TNRC18: variants seen among roughly 807,000 people sequenced by gnomAD.
The protein encoded by TNRC18 is trinucleotide repeat-containing gene 18 protein.
Under a neutral mutation model 226.7 loss-of-function variants are expected in TNRC18, and 69 were observed. The ratio of observed to expected loss-of-function variants is 0.30; its 90% confidence interval spans 0.25 to 0.37. The LOEUF is 0.37. TNRC18 is among the 10% of genes least tolerant of loss of function. TNRC18 has a pLI of 1.00. For missense variants in TNRC18, 4,754 were observed against 4,256.6 expected (o/e 1.12, Z -3.25); for synonymous variants, 2,449 against 1,927.6 (o/e 1.27, Z -7.09).
At chr7:5,395,003 G>A (rs1780571111) in intron 2 of TNRC18, among the ~76,000 whole-genome samples, 1 of 152,194 alleles carries the variant, frequency 6.6e-6, no homozygotes, top group African/African-American at 2.4e-5. Context: ...GCAAGGCGGT[G>A]GGGGACTTAC....
At chr7:5,417,758 C>A (rs1411858482) in intron 2 of TNRC18, among the ~76,000 whole-genome samples, 1 of 152,330 alleles carries the variant, frequency 6.6e-6, no homozygotes, top group East Asian at 1.9e-4. Flanking sequence ...CCAGAACCCT[C>A]CCAGGGCCTC....
chr7:5,413,615 G>C (rs1781979590), intron 2 of TNRC18, among the ~76,000 whole-genome samples: 1 of 152,178 alleles, frequency 6.6e-6, no homozygotes, highest in Non-Finnish European at 1.5e-5. Context: ...CTGCAGCCTG[G>C]ATCTCTGGGG....
At position 5,394,563 on chromosome 7, in the gene TNRC18, C is replaced by T. The variant is rs1244048041; in HGVS notation, c.220G>A (p.Gly74Arg). ...TGGGACGAGGCCGAGGGCCCCATCC[C>T]GCTGGCCACAAAGCTGCCCAAGAAG... ...EAFLGSFVAS[G>R]MGPSASSHGS... The change falls in exon 3 of 30, where the codon GGG becomes AGG. Residue 74 changes from glycine (G) to arginine (R), a missense_variant. Physicochemically the swap from Gly to Arg is moderately radical, Grantham distance 125. Transcript: ENST00000430969. This position sits in a 1 kb window ranked among gnomAD's most constrained non-coding sequence, Gnocchi z 4.5. 9.7e-6 allele frequency: 15 copies of T among 1,550,196 alleles called. No homozygotes were observed. Among genetic ancestry groups the T allele is most frequent in the East Asian group, 4.9e-5 (2 of 40,648 alleles).
chr7:5,332,344 G>A lies in TNRC18; in HGVS notation c.6147+278C>T, dbSNP rs1238458105. 3.3e-5 allele frequency among the ~76,000 whole-genome samples: 5 copies of A among 152,118 alleles called. No homozygotes were observed. In the East Asian group the frequency reaches 7.7e-4, roughly 23 times the overall value. On this transcript the variant is annotated intron_variant, in intron 19 of 29. Transcript: ENST00000430969. Reference sequence around the variant, plus strand: ...GCTATTTGGGAGGCTGAGGCAGGAGGACTGCTAGAGGCCAGGAGGTAAAGG... The same window carrying A: ...GCTATTTGGGAGGCTGAGGCAGGAGAACTGCTAGAGGCCAGGAGGTAAAGG...
At position 5,394,527 on chromosome 7, in the gene TNRC18, C is replaced by T. The variant is rs1266592289; in HGVS notation, c.256G>A (p.Val86Met). 1 of 1,555,196 alleles carries T rather than the reference C, an allele frequency of 6.4e-7. No homozygotes were observed. The highest frequency in any genetic ancestry group is 8.7e-7 in the Non-Finnish European group (1 of 1,151,668). Reference sequence around the variant, plus strand: ...AAAGACAGGTCAGAGGGCAGTGGCACTGGGCTCCCATGGGACGAGGCCGAG... The same window carrying T: ...AAAGACAGGTCAGAGGGCAGTGGCATTGGGCTCCCATGGGACGAGGCCGAG... ...GPSASSHGSP[V>M]PLPSDLSFRS... The change falls in exon 3 of 30, where the codon GTG (valine) becomes ATG (methionine). Residue 86 changes from valine to methionine, a missense_variant. Val to Met is a conservative substitution (Grantham distance 21). Transcript: ENST00000430969. The surrounding 1 kb of genome is among the most constrained non-coding windows in gnomAD (Gnocchi z 4.5).
chr7:5,388,888 G>T lies in TNRC18; in HGVS notation c.936C>A (p.Asp312Glu). The stretch of plus-strand genomic sequence containing the variant: ...TGCGCCGCAGCAGCCGCGCGCCCTC[G>T]TCCTGCCGGGCAGCCTCCTTGGCAC... The part of the protein sequence containing the change: ...RGGAKEAARQ[D>E]EGARLLRRTE... Residue 312 changes from aspartate (D) to glutamate (E), a missense_variant, in exon 5 of 30, where the codon GAC (aspartate) becomes GAA (glutamate). Coordinates refer to ENST00000430969, the MANE Select transcript of TNRC18 (RefSeq NM_001080495.3). The T allele has an allele frequency of 7.4e-7, 1 of 1,348,746 alleles. No individual in the cohort carries two copies. Among genetic ancestry groups the T allele is most frequent in the Non-Finnish European group, 9.6e-7 (1 of 1,046,468 alleles). 83.5% of individuals were successfully genotyped at this position (1,348,746 alleles called of 1,614,324 possible). A position where few individuals can be genotyped will look rare whatever the true frequency, so the allele number is the denominator to read the frequency against.
At chr7:5,331,325 A>T (rs1467973506) in intron 19 of TNRC18, among the ~76,000 whole-genome samples, 1 of 152,170 alleles carries the variant, frequency 6.6e-6, no homozygotes, top group East Asian at 1.9e-4. Context: ...TGGCCAGTGC[A>T]AAAAGGGTAA....
chr7:5,414,334 A>G (rs564360925), intron 2 of TNRC18, among the ~76,000 whole-genome samples: 4 of 150,834 alleles, frequency 2.7e-5, no homozygotes, highest in South Asian at 2.1e-4. Context: ...TATAAAATAG[A>G]TATTTTTTCT....
intron 2 of TNRC18, among the ~76,000 whole-genome samples, chr7:5,401,817 G>A (rs936907253): frequency 2.6e-5 from 4 of 152,186 alleles, no homozygotes; most frequent in African/African-American, 9.7e-5. Context: ...ACTGGGCACA[G>A]TGGCTCATGC....
chr7:5,366,499 T>C (rs1793641539), intron 11 of TNRC18, among the ~76,000 whole-genome samples: 2 of 152,140 alleles, frequency 1.3e-5, no homozygotes, highest in East Asian at 3.9e-4. Context: ...AATTTTTTTA[T>C]TTTTAGTAGA....
intron 18 of TNRC18, among the ~76,000 whole-genome samples, chr7:5,337,910 G>A (rs1311038387): frequency 6.6e-6 from 1 of 151,544 alleles, no homozygotes; most frequent in Non-Finnish European, 1.5e-5. Context: ...TTGAACCCTG[G>A]AGACGGAGAT....
Position 5,333,059 on chromosome 7 carries a change from G to A in TNRC18, c.5720-10C>T. The A allele has an allele frequency of 1.3e-6, 2 of 1,565,774 alleles. No homozygotes were observed. The highest frequency in any genetic ancestry group is 2.3e-5 in the East Asian group (1 of 43,178). On this transcript the variant is annotated splice_polypyrimidine_tract_variant and intron_variant, in intron 18 of 29. Coordinates refer to ENST00000430969, the MANE Select transcript of TNRC18 (RefSeq NM_001080495.3). The stretch of plus-strand genomic sequence containing the variant: ...TACTCGAACTCTGTGCCTGAACGCG[G>A]GAGGAGGGCGTGCTGGTCACAGCCT...
chr7:5,420,453 G>T, intron 2 of TNRC18: 1 of 454,282 alleles, frequency 2.2e-6, no homozygotes, highest in Non-Finnish European at 4.4e-6. Context: ...CGGGGTGCAG[G>T]TTCCCAGGGC....
chr7:5,309,386 T>C lies in TNRC18; in HGVS notation c.8389-18A>G. On this transcript the variant is annotated intron_variant, in intron 27 of 29. Coordinates refer to ENST00000430969, the MANE Select transcript of TNRC18 (RefSeq NM_001080495.3). This position sits in a 1 kb window ranked among gnomAD's most constrained non-coding sequence, Gnocchi z 5.7. The stretch of plus-strand genomic sequence containing the variant: ...CCACGCCGCTGCAAGGACACGTGTG[T>C]CACGGCACAGGCCCTGGCCCAGCCC... The C allele has an allele frequency of 6.3e-7, 1 of 1,592,614 alleles. No homozygotes were observed. Among genetic ancestry groups the C allele is most frequent in the South Asian group, 1.1e-5 (1 of 88,074 alleles).
At chr7:5,356,824 G>C in intron 16 of TNRC18, 92 bp downstream of exon 16, 1 of 1,351,746 alleles carries the variant, frequency 7.4e-7, no homozygotes. Flanking sequence ...GAGAGAGAGT[G>C]AGGGGCGGGG....
chr7:5,315,849 T>G, intron 25 of TNRC18, 107 bp downstream of exon 25: 2 of 782,558 alleles, frequency 2.6e-6, no homozygotes, highest in Non-Finnish European at 3.9e-6. Flanking sequence ...TTCCATCACC[T>G]GTGGCTCCAA....
chr7:5,383,757 ATT>A (rs886416006), intron 5 of TNRC18, among the ~76,000 whole-genome samples: 1 of 146,232 alleles, frequency 6.8e-6, no homozygotes, highest in Admixed American at 6.9e-5. Flanking sequence ...TTCTTATGGG[ATT>A]TTTTTTTTTA....
In TNRC18 at chr7:5,420,574, G is replaced by A. The variant is rs183353156; in HGVS notation, c.187+486C>T. On this transcript the variant is annotated intron_variant, in intron 2 of 29. Transcript: ENST00000430969. The stretch of plus-strand genomic sequence containing the variant: ...CCGGCGTACTCCCGCATCCCCCGGC[G>A]CTCGGTAACTGCCAGGGACCCGGCT... 122 of 450,420 alleles carry A rather than the reference G, an allele frequency of 2.7e-4. 1 individual carries two copies. Among genetic ancestry groups the A allele is most frequent in the Middle Eastern group, 1.3e-3 (4 of 3,050 alleles). The allele number at this position is 450,420 out of a possible 1,614,324, so 27.9% of individuals were successfully genotyped here.
In TNRC18 at chr7:5,336,186, A is replaced by G. The variant is rs949800299; in HGVS notation, c.5720-3137T>C. ...CACACCACTGCACTCCAGCCTGGGCAACAGAGCGAGACTCTGTTTTAAAAA... is the reference window on the plus strand; with the variant it reads ...CACACCACTGCACTCCAGCCTGGGCGACAGAGCGAGACTCTGTTTTAAAAA... On this transcript the variant is annotated intron_variant, in intron 18 of 29. Transcript: ENST00000430969. 2.0e-5 allele frequency among the ~76,000 whole-genome samples: 3 copies of G among 151,242 alleles called. No homozygotes were observed. The East Asian group carries it at 5.8e-4, about 29-fold the overall frequency.
Sources: allele counts gnomAD v4.1 joint callset (sites outside exome capture counted in the v4.1 genomes callset), GRCh38; gene constraint gnomAD v4.1.1; non-coding constraint Gnocchi (gnomAD v3.1); transcripts MANE v1.5; gene names NCBI Gene and HGNC (gene_info 2026-07-23, HGNC 2026-07-21).